The following UBXN11 variants were observed in gnomAD, a reference collection of about 807,000 sequenced individuals.
UBXN11 encodes UBX domain protein 11, also known as UBX domain-containing protein 11.
A neutral mutation model predicts 62.8 loss-of-function variants in UBXN11; 47 were observed. The ratio of observed to expected loss-of-function variants is 0.75; its 90% CI spans 0.59 to 0.95. The LOEUF is 0.95. Among genes scored for constraint, UBXN11 ranks in the 40% least tolerant of loss-of-function variants. UBXN11 has a pLI of 0.00. For synonymous variants in UBXN11, 294 were observed against 267.0 expected, an observed-to-expected ratio of 1.10 and a Z score of -0.99; for missense variants, 638 against 661.7, an observed-to-expected ratio of 0.96 and a Z score of 0.39.
chr1:26,307,726 A>G (rs561085571), upstream of UBXN11, among the ~76,000 whole-genome samples: 2 of 151,430 alleles, frequency 1.3e-5, no homozygotes, highest in East Asian at 3.9e-4. Flanking sequence ...CCCAGGCTCA[A>G]GCTATCCTCC....
intron 8 of UBXN11, among the ~76,000 whole-genome samples, chr1:26,291,415 C>T (rs962610700): frequency 5.9e-5 from 9 of 152,230 alleles, no homozygotes; most frequent in Non-Finnish European, 8.8e-5. Flanking sequence ...AGGAAGAGAA[C>T]GCACGGAGGG....
intron 8 of UBXN11, among the ~76,000 whole-genome samples, chr1:26,291,773 G>A (rs2073272068): frequency 1.3e-5 from 2 of 152,180 alleles, no homozygotes; most frequent in Non-Finnish European, 2.9e-5. Context: ...GGGGTCCCTT[G>A]AGAACTCTCC....
At chr1:26,318,172 C>A in exon 1 of UBXN11, 1 of 992,920 alleles carries the variant, frequency 1.0e-6, no homozygotes, top group Non-Finnish European at 1.6e-6. Flanking sequence ...AGCCTTCTCT[C>A]CTGAGAGCAC....
intron 1 of UBXN11, among the ~76,000 whole-genome samples, chr1:26,316,830 T>G (rs532393989): frequency 5.7e-5 from 8 of 141,556 alleles, no homozygotes; most frequent in African/African-American, 1.6e-4. Context: ...CCCCTTCCAC[T>G]GTAGCTTAGT....
At chr1:26,305,132 G>A (rs972352786) in intron 1 of UBXN11, among the ~76,000 whole-genome samples, 3 of 151,838 alleles carry the variant, frequency 2.0e-5, no homozygotes, top group African/African-American at 2.4e-5. Flanking sequence ...ATGGAGTCTC[G>A]CTCTGTCGCC....
chr1:26,304,394 C>T (rs1179205455), intron 1 of UBXN11, among the ~76,000 whole-genome samples: 1 of 152,144 alleles, frequency 6.6e-6, no homozygotes, highest in African/African-American at 2.4e-5. Context: ...GATCTTAAAA[C>T]ATAAAGCAGG....
rs561029185 is a variant in UBXN11 at position 26,294,126 on chromosome 1, C to T, written c.559+79G>A. 48 of 1,577,216 alleles carry T rather than the reference C, an allele frequency of 3.0e-5. No individual in the cohort carries two copies. In the African/African-American group the frequency reaches 5.9e-4, roughly 19 times the overall value. ...GGACCCGGGCACGAATGAGATAGGC[C>T]TCTGGGGAGCTGCCGGCCAACAGCA... On this transcript the variant is annotated intron_variant, in intron 8 of 14. Coordinates refer to ENST00000374222, the MANE Select transcript of UBXN11 (RefSeq NM_001389556.1).
chr1:26,296,483 A>C (rs4659423), intron 7 of UBXN11, among the ~76,000 whole-genome samples: 18,579 of 152,146 alleles, frequency 0.12, 2,085 homozygotes, highest in East Asian at 0.56. Flanking sequence ...ACATTTCAGC[A>C]GAGGGAACAG....
At position 26,291,736 on chromosome 1, in the gene UBXN11, A is replaced by G. The variant is rs375784953; in HGVS notation, c.559+2469T>C. On this transcript the variant is annotated intron_variant, in intron 8 of 14. Coordinates refer to ENST00000374222, the MANE Select transcript of UBXN11 (RefSeq NM_001389556.1). ...TTCTCAGAGCACCTGCAGCCACCCA[A>G]TAGGGCCTCACCTCTCACTCATGCC... 3.7e-4 allele frequency among the ~76,000 whole-genome samples: 57 copies of G among 152,260 alleles called. 1 individual carries two copies. The highest frequency in any genetic ancestry group is 1.4e-3 in the African/African-American group (57 of 41,548).
At chr1:26,290,310 A>G (rs1284023847) in intron 8 of UBXN11, among the ~76,000 whole-genome samples, 1 of 152,174 alleles carries the variant, frequency 6.6e-6, no homozygotes, top group Non-Finnish European at 1.5e-5. Context: ...AGCACGACTG[A>G]GGAGGAAATG....
At chr1:26,308,222 G>A (rs1419593481), upstream of UBXN11, among the ~76,000 whole-genome samples, 1 of 144,328 alleles carries the variant, frequency 6.9e-6, no homozygotes, top group African/African-American at 2.6e-5. Context: ...AGCTGAGATC[G>A]CACCATTGCA....
intron 1 of UBXN11, among the ~76,000 whole-genome samples, chr1:26,313,974 G>A (rs1030214674): frequency 6.6e-6 from 1 of 151,732 alleles, no homozygotes; most frequent in Non-Finnish European, 1.5e-5. Context: ...TAGAGATGGG[G>A]TTTCACTTTG....
At chr1:26,305,983 G>C (rs2073657947) in intron 1 of UBXN11, among the ~76,000 whole-genome samples, 1 of 152,206 alleles carries the variant, frequency 6.6e-6, no homozygotes, top group Non-Finnish European at 1.5e-5. Flanking sequence ...CCGACACATT[G>C]TCTCCAGGTT....
intron 1 of UBXN11, among the ~76,000 whole-genome samples, chr1:26,311,924 T>A (rs909584561): frequency 1.3e-5 from 2 of 152,192 alleles, no homozygotes; most frequent in African/African-American, 4.8e-5. Flanking sequence ...TCTAGCTATC[T>A]CTTCCACCTT....
intron 8 of UBXN11, among the ~76,000 whole-genome samples, chr1:26,293,863 C>A (rs4659370): frequency 6.6e-6 from 1 of 151,986 alleles, no homozygotes; most frequent in Non-Finnish European, 1.5e-5. Flanking sequence ...GAAGGATTGC[C>A]TTTTTTTAAA....
chr1:26,302,749 C>A, intron 2 of UBXN11, 64 bp downstream of exon 2: 1 of 1,547,912 alleles, frequency 6.5e-7, no homozygotes, highest in Non-Finnish European at 8.9e-7. Context: ...TGTCCTCTGG[C>A]CATGGAAGGA....
At chr1:26,299,556 T>C (rs890911662) in intron 4 of UBXN11, among the ~76,000 whole-genome samples, 1 of 122,568 alleles carries the variant, frequency 8.2e-6, no homozygotes, top group Non-Finnish European at 1.7e-5. Flanking sequence ...AAAAAGGAGG[T>C]GGTGATGACA....
intron 1 of UBXN11, among the ~76,000 whole-genome samples, chr1:26,315,395 T>G (rs1234952065): frequency 6.6e-6 from 1 of 152,138 alleles, no homozygotes; most frequent in Non-Finnish European, 1.5e-5. Context: ...TCAACACGGG[T>G]ATCCTGTCTT....
intron 1 of UBXN11, among the ~76,000 whole-genome samples, chr1:26,304,808 T>C (rs762587753): frequency 6.6e-6 from 1 of 152,012 alleles, no homozygotes; most frequent in Non-Finnish European, 1.5e-5. Context: ...TTATGTCTCC[T>C]GACCTCATCT....
Sources: gnomAD v4.1 joint callset for allele counts (sites outside exome capture counted in the v4.1 genomes callset) on GRCh38, gnomAD v4.1.1 for gene constraint, MANE v1.5 for transcripts, NCBI Gene and HGNC (gene_info 2026-07-23, HGNC 2026-07-21) for gene names.